Variants in FNDC3B observed in about 807,000 individuals in gnomAD.
The protein encoded by FNDC3B is fibronectin type III domain containing 3B.
Under a neutral mutation model 151.5 loss-of-function variants are expected in FNDC3B, and 12 were observed. That is an observed-to-expected ratio of 0.08 (90% CI 0.05 to 0.13). The LOEUF (loss-of-function observed/expected upper bound fraction) is 0.13. FNDC3B is among the 10% of genes least tolerant of loss of function. The probability of loss-of-function intolerance (pLI) is 1.00; values close to 1 mark genes in which losing one functional copy is unlikely to be tolerated. For synonymous variants in FNDC3B, 528 were observed against 549.0 expected (o/e 0.96, Z 0.54); for missense variants, 1,214 against 1,505.3 (o/e 0.81, Z 3.20).
At chr3:172,298,859 T>G (rs1266060130) in intron 9 of FNDC3B, 72 bp downstream of exon 9, 5 of 1,138,730 alleles carry the variant, frequency 4.4e-6, no homozygotes, top group Non-Finnish European at 5.1e-6. Flanking sequence ...GTACTCCCTT[T>G]TAAGTTTTTG....
intron 2 of FNDC3B, among the ~76,000 whole-genome samples, chr3:172,123,693 T>A (rs374344431): frequency 6.6e-6 from 1 of 152,216 alleles, no homozygotes; most frequent in South Asian, 2.1e-4. Context: ...TAGAACCCAT[T>A]TAAACTCTTA....
chr3:172,204,887 A>G (rs775404155), intron 3 of FNDC3B, among the ~76,000 whole-genome samples: 1 of 152,234 alleles, frequency 6.6e-6, no homozygotes, highest in Admixed American at 6.5e-5. Context: ...AATGAAACTC[A>G]GTGAGCACAT....
chr3:172,231,807 G>T (rs996945026), intron 4 of FNDC3B, among the ~76,000 whole-genome samples: 1 of 151,086 alleles, frequency 6.6e-6, no homozygotes, highest in Non-Finnish European at 1.5e-5. Flanking sequence ...GTGTGGGTGT[G>T]TGTTGTGCCT....
At chr3:172,264,799 CTTATT>C (rs1162661067) in intron 6 of FNDC3B, among the ~76,000 whole-genome samples, 1 of 152,146 alleles carries the variant, frequency 6.6e-6, no homozygotes, top group African/African-American at 2.4e-5. Context: ...AATAATTGCT[CTTATT>C]TTAAGACTAT....
rs200183068 is a variant in FNDC3B at position 172,384,815 on chromosome 3, T to C, written c.3303+3722T>C. On this transcript the variant is annotated intron_variant, in intron 25 of 25. Coordinates refer to ENST00000415807, the MANE Select transcript of FNDC3B (RefSeq NM_022763.4). ...GTTTAATGTTATATATTTAGACCCA[T>C]GGCCATATAAATGCTAATATACTAA... Among the ~76,000 whole-genome samples the C allele has an allele frequency of 7.2e-5, 11 of 152,354 alleles. No individual in the cohort carries two copies. In the East Asian group the frequency reaches 2.1e-3, roughly 29 times the overall value.
At chr3:172,274,824 C>A (rs927632812) in intron 6 of FNDC3B, among the ~76,000 whole-genome samples, 1 of 152,116 alleles carries the variant, frequency 6.6e-6, no homozygotes, top group African/African-American at 2.4e-5. Flanking sequence ...TGTGTGTCTG[C>A]ATCCGAATTT....
intron 2 of FNDC3B, among the ~76,000 whole-genome samples, chr3:172,116,504 G>T (rs981768053): frequency 6.6e-6 from 1 of 151,808 alleles, no homozygotes; most frequent in African/African-American, 2.4e-5. Flanking sequence ...GCCTATTCTG[G>T]AATTTCATAT....
intron 3 of FNDC3B, among the ~76,000 whole-genome samples, chr3:172,174,991 C>T (rs1241388992): frequency 7.4e-6 from 1 of 134,776 alleles, no homozygotes; most frequent in Non-Finnish European, 1.5e-5. Flanking sequence ...AGTTTCCTCT[C>T]TGGCCATGCT....
At chr3:172,176,851 G>T (rs975411459) in intron 3 of FNDC3B, among the ~76,000 whole-genome samples, 1 of 152,216 alleles carries the variant, frequency 6.6e-6, no homozygotes, top group Admixed American at 6.5e-5. Context: ...ATAGGGTCTT[G>T]CAGTGGGGGA....
chr3:172,351,020 AAC>A (rs1312864014), intron 21 of FNDC3B, among the ~76,000 whole-genome samples: 4 of 152,230 alleles, frequency 2.6e-5, no homozygotes, highest in Non-Finnish European at 4.4e-5. Flanking sequence ...ACATTTATTG[AAC>A]ACATACTCTG....
At chr3:172,247,410 C>T in intron 4 of FNDC3B, 123 bp from the exon 5 acceptor site, 1 of 1,014,578 alleles carries the variant, frequency 9.9e-7, no homozygotes, top group Non-Finnish European at 1.5e-6. Context: ...CAGAATACAA[C>T]ATGCATTTGT....
intron 4 of FNDC3B, among the ~76,000 whole-genome samples, chr3:172,246,483 T>G (rs1157650711): frequency 6.6e-6 from 1 of 152,278 alleles, no homozygotes; most frequent in African/African-American, 2.4e-5. Flanking sequence ...TCTTTCATTG[T>G]GTTTCACCAA....
chr3:172,344,553 C>A (rs916320250), intron 19 of FNDC3B, among the ~76,000 whole-genome samples: 1 of 152,128 alleles, frequency 6.6e-6, no homozygotes, highest in Non-Finnish European at 1.5e-5. Flanking sequence ...GGAAAATTTC[C>A]TATTCTATTG....
At chr3:172,158,181 A>G (rs961633559) in intron 3 of FNDC3B, among the ~76,000 whole-genome samples, 10 of 152,222 alleles carry the variant, frequency 6.6e-5, no homozygotes, top group African/African-American at 1.9e-4. Context: ...TTGTTACAGC[A>G]GCCTGAATGG....
In FNDC3B at chr3:172,059,084, A is replaced by G. The variant is rs1456044820; in HGVS notation, c.-29+19313A>G. 3.3e-5 allele frequency among the ~76,000 whole-genome samples: 5 copies of G among 152,096 alleles called. No homozygotes were observed. The East Asian group carries it at 7.7e-4, about 23-fold the overall frequency. ...TCCATAATGTTTATTTTCCTTATTT[A>G]TTTGTCACTATTAATGCTTACAGGA... On this transcript the variant is annotated intron_variant, in intron 1 of 25. Transcript: ENST00000415807.
At chr3:172,194,454 AT>A (rs1724727349) in intron 3 of FNDC3B, among the ~76,000 whole-genome samples, 1 of 152,176 alleles carries the variant, frequency 6.6e-6, no homozygotes, top group Non-Finnish European at 1.5e-5. Flanking sequence ...GGATTTTAAA[AT>A]CCTTCGTACT....
intron 11 of FNDC3B, among the ~76,000 whole-genome samples, chr3:172,327,486 C>T (rs1732416455): frequency 2.0e-5 from 3 of 152,166 alleles, no homozygotes; most frequent in African/African-American, 4.8e-5. Context: ...CTGCGAGCTC[C>T]GTCTCCCAGG....
intron 3 of FNDC3B, among the ~76,000 whole-genome samples, chr3:172,224,790 A>G (rs1007235825): frequency 1.3e-5 from 2 of 152,244 alleles, no homozygotes; most frequent in Admixed American, 1.3e-4. Flanking sequence ...ACATTAGGAT[A>G]AAGCAAATAA....
intron 1 of FNDC3B, among the ~76,000 whole-genome samples, chr3:172,041,816 A>G (rs1432596557): frequency 6.6e-6 from 1 of 151,982 alleles, no homozygotes. Context: ...TTGGAGGCTG[A>G]CTCTGAAATT....
Sources: allele counts gnomAD v4.1 joint callset (sites outside exome capture counted in the v4.1 genomes callset), GRCh38; gene constraint gnomAD v4.1.1; transcripts MANE v1.5; gene names NCBI Gene and HGNC (gene_info 2026-07-23, HGNC 2026-07-21).